The following AGBL4 variants were observed in gnomAD, a reference collection of about 807,000 sequenced individuals.
The protein encoded by AGBL4 is AGBL carboxypeptidase 4.
A neutral mutation model predicts 66.4 loss-of-function variants in AGBL4; 58 were observed. That is an observed-to-expected ratio of 0.87 (90% confidence interval 0.71 to 1.09). The LOEUF (loss-of-function observed/expected upper bound fraction) is 1.09, where lower values mean the gene tolerates loss of function less well. Among genes scored for constraint, AGBL4 ranks in the 50% least tolerant of loss-of-function variants. The probability of loss-of-function intolerance (pLI) is 0.00; values close to 1 mark genes in which losing one functional copy is unlikely to be tolerated. For synonymous variants in AGBL4, 234 were observed against 222.9 expected (o/e 1.05, Z -0.44); for missense variants, 579 against 631.0 (o/e 0.92, Z 0.88).
At chr1:49,522,099 C>G (rs1221379534) in intron 3 of AGBL4, among the ~76,000 whole-genome samples, 1 of 152,106 alleles carries the variant, frequency 6.6e-6, no homozygotes, top group Non-Finnish European at 1.5e-5. Flanking sequence ...AAATTTGTTA[C>G]AGTCTGTCCT....
chr1:49,461,855 T>C (rs1350433041), intron 3 of AGBL4, among the ~76,000 whole-genome samples: 4 of 151,798 alleles, frequency 2.6e-5, no homozygotes, highest in African/African-American at 9.7e-5. Flanking sequence ...ACATTTTCTT[T>C]ATCCAGTCTA....
At chr1:49,161,968 G>A (rs190196307) in intron 4 of AGBL4, among the ~76,000 whole-genome samples, 239 of 152,188 alleles carry the variant, frequency 1.6e-3, no homozygotes, top group Non-Finnish European at 2.7e-3. Context: ...CAAAATGAAG[G>A]TAAAATTACT....
intron 4 of AGBL4, among the ~76,000 whole-genome samples, chr1:49,176,024 T>C (rs1258595995): frequency 6.6e-6 from 1 of 152,088 alleles, no homozygotes; most frequent in Non-Finnish European, 1.5e-5. Context: ...ACACAATCAC[T>C]CTAGGAGGGC....
chr1:50,013,545 T>G (rs1661710197), intron 1 of AGBL4, among the ~76,000 whole-genome samples: 1 of 152,220 alleles, frequency 6.6e-6, no homozygotes, highest in African/African-American at 2.4e-5. Flanking sequence ...CATTTACAAT[T>G]GTTAGTAAGC....
intron 3 of AGBL4, among the ~76,000 whole-genome samples, chr1:49,438,486 C>A (rs922592450): frequency 6.6e-6 from 1 of 152,164 alleles, no homozygotes; most frequent in Non-Finnish European, 1.5e-5. Flanking sequence ...TTACAAGGTG[C>A]TAGTCCCAGG....
In AGBL4 at chr1:48,604,241, G is replaced by A. The variant is rs113510973; in HGVS notation, c.952-13256C>T. Among the ~76,000 whole-genome samples the A allele has an allele frequency of 5.0e-3, 763 of 152,286 alleles. 6 individuals carry two copies. Among genetic ancestry groups the A allele is most frequent in the Non-Finnish European group, 8.4e-3 (572 of 68,030 alleles). On this transcript the variant is annotated intron_variant, in intron 9 of 13. Coordinates refer to ENST00000371839, the MANE Select transcript of AGBL4 (RefSeq NM_032785.4). ...CACTACAAAGCAAGATTGACAGTTT[G>A]CAATATGGGACCTAAGTTTGGACTG...
intron 1 of AGBL4, among the ~76,000 whole-genome samples, chr1:49,958,395 G>C (rs1272616580): frequency 6.6e-6 from 1 of 151,866 alleles, no homozygotes; most frequent in African/African-American, 2.4e-5. Context: ...TCCTGAATTT[G>C]AATGTTTATT....
intron 1 of AGBL4, among the ~76,000 whole-genome samples, chr1:50,019,130 G>A (rs921754910): frequency 7.9e-5 from 12 of 151,984 alleles, no homozygotes; most frequent in African/African-American, 2.9e-4. Flanking sequence ...ATGCAGTATT[G>A]CCTTTCCATA....
At chr1:49,849,393 TTTATTA>T (rs61688417) in intron 2 of AGBL4, among the ~76,000 whole-genome samples, 3,455 of 130,018 alleles carry the variant, frequency 0.027, 138 homozygotes, top group African/African-American at 0.084. Context: ...ATTCATCTAA[TTTATTA>T]TTATTATTAT....
chr1:49,167,658 T>A (rs1001389494), intron 4 of AGBL4, among the ~76,000 whole-genome samples: 7 of 152,186 alleles, frequency 4.6e-5, no homozygotes, highest in Non-Finnish European at 4.4e-5. Flanking sequence ...AGAAAATAAA[T>A]CATTGTATTC....
intron 4 of AGBL4, among the ~76,000 whole-genome samples, chr1:49,198,499 C>A (rs1294851381): frequency 6.6e-6 from 1 of 152,018 alleles, no homozygotes; most frequent in Non-Finnish European, 1.5e-5. Flanking sequence ...CACCACCATG[C>A]CTGGCTAAGG....
At chr1:49,816,923 C>G (rs982269427) in intron 2 of AGBL4, among the ~76,000 whole-genome samples, 1 of 152,134 alleles carries the variant, frequency 6.6e-6, no homozygotes, top group South Asian at 2.1e-4. Flanking sequence ...AAGGTGAGAG[C>G]TGCTCACAAA....
intron 6 of AGBL4, among the ~76,000 whole-genome samples, chr1:48,863,188 A>C (rs1647652999): frequency 6.6e-6 from 1 of 152,180 alleles, no homozygotes; most frequent in South Asian, 2.1e-4. Flanking sequence ...AATGCTAGAA[A>C]GTCGCAGTAA....
intron 3 of AGBL4, among the ~76,000 whole-genome samples, chr1:49,586,134 T>C (rs1037969468): frequency 2.6e-5 from 4 of 152,232 alleles, no homozygotes; most frequent in African/African-American, 4.8e-5. Context: ...ATTTCTTTTA[T>C]ATATGTTGCC....
At chr1:49,408,879 C>T (rs1167845801) in intron 3 of AGBL4, among the ~76,000 whole-genome samples, 1 of 152,168 alleles carries the variant, frequency 6.6e-6, no homozygotes, top group East Asian at 1.9e-4. Context: ...AGTCAATACT[C>T]CTTAATAAAC....
intron 6 of AGBL4, among the ~76,000 whole-genome samples, chr1:48,720,334 G>T (rs548149164): frequency 6.6e-6 from 1 of 152,348 alleles, no homozygotes; most frequent in Admixed American, 6.5e-5. Flanking sequence ...CCTGGAAGGA[G>T]GAGAAGAAGC....
At chr1:48,841,393 C>T (rs905972978) in intron 6 of AGBL4, among the ~76,000 whole-genome samples, 21 of 103,362 alleles carry the variant, frequency 2.0e-4, no homozygotes, top group Non-Finnish European at 3.3e-4. Context: ...CTATCTCTTA[C>T]TACAAAACCC....
At chr1:48,955,147 C>T (rs529428438) in intron 5 of AGBL4, among the ~76,000 whole-genome samples, 2 of 152,262 alleles carry the variant, frequency 1.3e-5, no homozygotes, top group South Asian at 4.1e-4. Flanking sequence ...CCAAGCTTCT[C>T]AGAGCTATGG....
intron 5 of AGBL4, among the ~76,000 whole-genome samples, chr1:49,039,548 C>A (rs1368470232): frequency 6.6e-6 from 1 of 152,064 alleles, no homozygotes; most frequent in East Asian, 1.9e-4. Flanking sequence ...AACAAACAAA[C>A]TGAGCAGAGG....
Sources: gnomAD v4.1 joint callset for allele counts (sites outside exome capture counted in the v4.1 genomes callset) on GRCh38, gnomAD v4.1.1 for gene constraint, MANE v1.5 for transcripts, NCBI Gene and HGNC (gene_info 2026-07-23, HGNC 2026-07-21) for gene names.